The following LOC128125822 variants were observed in gnomAD, a reference collection of about 807,000 sequenced individuals.
the LOC128125822 span, chr6:63,576,964 G>A: frequency 5.6e-6 from 9 of 1,612,508 alleles, no homozygotes; most frequent in South Asian, 4.4e-5. Context: ...CAACCAATGC[G>A]ACCTTAAACA....
At chr6:63,580,380 T>A in the LOC128125822 span, 10 of 501,010 alleles carry the variant, frequency 2.0e-5, no homozygotes, top group Non-Finnish European at 3.6e-5. Context: ...GGCAAAAGAT[T>A]CTTGCTGTCA....
At chr6:63,572,515 C>T in the LOC128125822 span, 4 of 391,118 alleles carry the variant, frequency 1.0e-5, 1 homozygote, top group South Asian at 2.5e-4. Flanking sequence ...CGGCTGCGGG[C>T]CGGCTCGGCT....
the LOC128125822 span, chr6:63,582,687 A>G: frequency 6.6e-6 from 1 of 152,226 alleles, no homozygotes; most frequent in Non-Finnish European, 1.5e-5. Flanking sequence ...AGCAACCATA[A>G]TGTTGATGTA....
At chr6:63,576,656 T>G in the LOC128125822 span, 1 of 569,174 alleles carries the variant, frequency 1.8e-6, no homozygotes, top group Non-Finnish European at 3.1e-6. Context: ...GGGGTAAACC[T>G]CAGTGCACTT....
the LOC128125822 span, chr6:63,572,861 G>A: frequency 2.5e-6 from 1 of 393,618 alleles, no homozygotes. Flanking sequence ...GTGGGAGCGG[G>A]CGGGTTATGG....
At chr6:63,578,870 A>T in the LOC128125822 span, 2 of 1,488,234 alleles carry the variant, frequency 1.3e-6, no homozygotes, top group Admixed American at 4.8e-5. Flanking sequence ...TTAATGATCT[A>T]AAATGTTTAA....
At chr6:63,583,351 T>G in the LOC128125822 span, 1 of 152,232 alleles carries the variant, frequency 6.6e-6, no homozygotes, top group African/African-American at 2.4e-5. Context: ...ACACCTGAAT[T>G]GAAAATTAAA....
chr6:63,572,599 GCCGCTCCGCCACGACCACCGCCGCCT>G, the LOC128125822 span: 1 of 418,054 alleles, frequency 2.4e-6, no homozygotes, highest in Non-Finnish European at 4.1e-6. Context: ...CGCCGCCACC[GCCGCTCCGCCACGACCACCGCCGCCT>G]CCTGCCCTGC....
the LOC128125822 span, among the ~76,000 whole-genome samples, chr6:63,574,892 A>G: frequency 6.6e-6 from 1 of 152,180 alleles, no homozygotes; most frequent in Non-Finnish European, 1.5e-5. Context: ...TGTAATTTAG[A>G]CACTTAATTT....
At chr6:63,581,641 T>G in the LOC128125822 span, 1 of 152,168 alleles carries the variant, frequency 6.6e-6, no homozygotes, top group Non-Finnish European at 1.5e-5. Flanking sequence ...AAAAGCACTT[T>G]CCATTATATA....
At chr6:63,577,879 G>A in the LOC128125822 span, among the ~76,000 whole-genome samples, 34 of 149,324 alleles carry the variant, frequency 2.3e-4, no homozygotes, top group African/African-American at 8.1e-4. Context: ...ACTATATAGT[G>A]TATATAATAG....
At chr6:63,580,945 G>A in the LOC128125822 span, 2 of 152,440 alleles carry the variant, frequency 1.3e-5, no homozygotes, top group Non-Finnish European at 2.9e-5. Flanking sequence ...ATGGGAGGGG[G>A]CTATTAATTA....
At chr6:63,576,590 C>A in the LOC128125822 span, 2 of 469,500 alleles carry the variant, frequency 4.3e-6, no homozygotes, top group African/African-American at 4.1e-5. Flanking sequence ...TTATCCTGGA[C>A]ACAGAAGTGT....
the LOC128125822 span, chr6:63,576,801 T>G: frequency 8.8e-6 from 10 of 1,139,490 alleles, no homozygotes; most frequent in Admixed American, 1.7e-4. Flanking sequence ...GAAGTAGACT[T>G]CAGTTTCTTT....
the LOC128125822 span, chr6:63,578,304 T>C: frequency 8.8e-7 from 1 of 1,139,582 alleles, no homozygotes; most frequent in African/African-American, 1.6e-5. Flanking sequence ...TAAACATAAA[T>C]GGATTCTAGC....
At chr6:63,574,234 A>G in the LOC128125822 span, among the ~76,000 whole-genome samples, 2 of 152,246 alleles carry the variant, frequency 1.3e-5, no homozygotes, top group Non-Finnish European at 2.9e-5. Flanking sequence ...ATTGTTTGTG[A>G]CAAAGGAGTT....
At chr6:63,581,728 C>T in the LOC128125822 span, 2 of 152,022 alleles carry the variant, frequency 1.3e-5, no homozygotes, top group African/African-American at 4.8e-5. Context: ...TAGAGGACAG[C>T]CTTGGTTTGT....
At chr6:63,579,652 C>A in the LOC128125822 span, among the ~76,000 whole-genome samples, 1 of 152,070 alleles carries the variant, frequency 6.6e-6, no homozygotes, top group Non-Finnish European at 1.5e-5. Flanking sequence ...CCAAAGGAGA[C>A]CAGTTGACAA....
the LOC128125822 span, among the ~76,000 whole-genome samples, chr6:63,579,662 A>G: frequency 6.6e-6 from 1 of 152,234 alleles, no homozygotes; most frequent in Non-Finnish European, 1.5e-5. Flanking sequence ...CCAGTTGACA[A>G]TAACAGCCAA....
Sources: allele counts gnomAD v4.1 joint callset (sites outside exome capture counted in the v4.1 genomes callset), GRCh38; gene constraint gnomAD v4.1.1; transcripts MANE v1.5.